The following SPAG16 variants were observed in gnomAD, a reference collection of about 807,000 sequenced individuals.
SPAG16 encodes sperm-associated antigen 16 protein.
In SPAG16, 86 loss-of-function variants were observed where a neutral mutation model predicts 80.4. The ratio of observed to expected loss-of-function variants is 1.07; its 90% CI spans 0.90 to 1.28. The LOEUF is 1.28. Among genes scored for constraint, SPAG16 ranks in the 50% most tolerant of loss-of-function variants. The pLI, the probability that SPAG16 is intolerant of heterozygous loss-of-function variation, is 0.00. For missense variants in SPAG16, 870 were observed against 765.3 expected (o/e 1.14, Z -1.61); for synonymous variants, 294 against 265.9 (o/e 1.11, Z -1.03).
At chr2:213,903,230 T>C (rs1335225281) in intron 11 of SPAG16, among the ~76,000 whole-genome samples, 1 of 152,190 alleles carries the variant, frequency 6.6e-6, no homozygotes, top group Non-Finnish European at 1.5e-5. Flanking sequence ...GGACTCTGCA[T>C]GGGGGCTCAG....
chr2:214,101,243 G>A (rs2053001839), intron 13 of SPAG16, among the ~76,000 whole-genome samples: 1 of 151,990 alleles, frequency 6.6e-6, no homozygotes, highest in Non-Finnish European at 1.5e-5. Flanking sequence ...AGGGTTCACG[G>A]TCAGTCAGGC....
Position 213,470,502 on chromosome 2 carries a change from A to G in SPAG16, c.943-19461A>G, listed in dbSNP as rs182607146. 5.9e-5 allele frequency among the ~76,000 whole-genome samples: 9 copies of G among 152,332 alleles called. No individual in the cohort carries two copies. The East Asian group carries it at 1.7e-3, about 29-fold the overall frequency. On this transcript the variant is annotated intron_variant, in intron 9 of 15. Coordinates refer to ENST00000331683, the MANE Select transcript of SPAG16 (RefSeq NM_024532.5). ...GCCCCTTCCTTGATGGAAGAGGTTCAGTATAATCAACCTGCTACCAGGTAG... is the reference window on the plus strand; with the variant it reads ...GCCCCTTCCTTGATGGAAGAGGTTCGGTATAATCAACCTGCTACCAGGTAG...
intron 10 of SPAG16, among the ~76,000 whole-genome samples, chr2:213,590,410 A>C (rs2060641820): frequency 6.6e-6 from 1 of 151,932 alleles, no homozygotes; most frequent in African/African-American, 2.4e-5. Context: ...AAGGACTGAT[A>C]TCCAGAGTCT....
At chr2:213,831,883 G>T (rs891570682) in intron 10 of SPAG16, among the ~76,000 whole-genome samples, 6 of 152,010 alleles carry the variant, frequency 3.9e-5, no homozygotes, top group Non-Finnish European at 7.4e-5. Context: ...TTTATAATTT[G>T]CTCACTATAA....
At chr2:214,023,146 T>C (rs1232187591) in intron 13 of SPAG16, among the ~76,000 whole-genome samples, 2 of 151,976 alleles carry the variant, frequency 1.3e-5, no homozygotes, top group African/African-American at 4.8e-5. Flanking sequence ...TCTCTGTAGC[T>C]TGCAGTAGGT....
At chr2:213,592,164 C>T (rs192325581) in intron 10 of SPAG16, among the ~76,000 whole-genome samples, 6 of 152,278 alleles carry the variant, frequency 3.9e-5, no homozygotes, top group Non-Finnish European at 7.4e-5. Context: ...AAGAAGACCT[C>T]TAATACCAGC....
At position 214,250,952 on chromosome 2, in the gene SPAG16, A is replaced by T. The variant is rs1690248285; in HGVS notation, c.1720+101686A>T. ...AAATATGCTACATCATATTAAAAAA[A>T]TAGAAATTTAGCTTCAAACTACCTT... On this transcript the variant is annotated intron_variant, in intron 15 of 15. Transcript: ENST00000331683. Among the ~76,000 whole-genome samples, 4 of 151,582 alleles carry T rather than the reference A, an allele frequency of 2.6e-5. No individual in the cohort carries two copies. In the South Asian group the frequency reaches 8.3e-4, roughly 31 times the overall value.
intron 11 of SPAG16, among the ~76,000 whole-genome samples, chr2:213,904,566 G>A (rs1252974689): frequency 8.4e-6 from 1 of 119,524 alleles, no homozygotes; most frequent in African/African-American, 3.4e-5. Flanking sequence ...GGGACACAGA[G>A]CCAAACCATA....
chr2:213,875,585 TA>T (rs2076112538), intron 11 of SPAG16, among the ~76,000 whole-genome samples: 1 of 152,162 alleles, frequency 6.6e-6, no homozygotes, highest in Admixed American at 6.5e-5. Flanking sequence ...GATTTAAAAA[TA>T]AAACTTTAAT....
In SPAG16 at chr2:213,374,045, G is replaced by A. The variant is rs2066770590; in HGVS notation, c.833-965G>A. ...TAGCTTAGCACCTTCGGGGAGGACA[G>A]GCAGTTTGGACACCCAGGTCTCTCA... On this transcript the variant is annotated intron_variant, in intron 8 of 15. Transcript: ENST00000331683. Among the ~76,000 whole-genome samples, 5 of 152,248 alleles carry A rather than the reference G, an allele frequency of 3.3e-5. No individual in the cohort carries two copies. The South Asian group carries it at 1.0e-3, about 32-fold the overall frequency.
chr2:213,810,661 A>G (rs1431983311), intron 10 of SPAG16, among the ~76,000 whole-genome samples: 3 of 152,180 alleles, frequency 2.0e-5, no homozygotes, highest in African/African-American at 7.2e-5. Context: ...AGCAGGAGGA[A>G]CAAGCAGCAA....
chr2:213,823,713 C>T (rs1395488510), intron 10 of SPAG16, among the ~76,000 whole-genome samples: 2 of 151,942 alleles, frequency 1.3e-5, no homozygotes, highest in Admixed American at 6.6e-5. Flanking sequence ...TGTCTTCTTT[C>T]GAGAAATGTC....
rs749957411 is a variant in SPAG16 at position 213,976,135 on chromosome 2, T to TATATATATATATACACACACACAC, written c.1401-37815_1401-37814insTATATATATATACACACACACACA. On this transcript the variant is annotated intron_variant, in intron 12 of 15. Transcript: ENST00000331683. ...ATATATATATATATATATATATATA[T>TATATATATATATACACACACACAC]ACACACACACACACACACACGTATG... 2.1e-4 allele frequency among the ~76,000 whole-genome samples: 17 copies of TATATATATATATACACACACACAC among 81,398 alleles called. No homozygotes were observed. In the East Asian group the frequency reaches 2.6e-3, roughly 13 times the overall value. 53.4% of individuals were successfully genotyped at this position (81,398 alleles called of 152,430 possible).
chr2:213,431,063 A>G (rs2070264798), intron 9 of SPAG16, among the ~76,000 whole-genome samples: 1 of 152,216 alleles, frequency 6.6e-6, no homozygotes, highest in South Asian at 2.1e-4. Context: ...GAAATGCTCA[A>G]ATGAGTTCTA....
chr2:213,537,111 A>G lies in SPAG16; in HGVS notation c.1070+47021A>G, dbSNP rs996753883. On this transcript the variant is annotated intron_variant, in intron 10 of 15. Coordinates refer to ENST00000331683, the MANE Select transcript of SPAG16 (RefSeq NM_024532.5). ...CTCACTCATAGGTGGGAACTGAACA[A>G]TGAGAACACATGGACACAGGAAGGG... is the stretch of plus-strand genomic sequence containing the variant. Among the ~76,000 whole-genome samples, 5 of 141,800 alleles carry G rather than the reference A, an allele frequency of 3.5e-5. No individual in the cohort carries two copies. The Admixed American group carries it at 3.9e-4, about 11-fold the overall frequency. 93.0% of individuals were successfully genotyped at this position (141,800 alleles called of 152,430 possible). A position where few individuals can be genotyped will look rare whatever the true frequency, so the allele number is the denominator to read the frequency against.
At chr2:213,612,941 G>A (rs778014684) in intron 10 of SPAG16, among the ~76,000 whole-genome samples, 7 of 152,074 alleles carry the variant, frequency 4.6e-5, no homozygotes, top group Non-Finnish European at 1.0e-4. Context: ...CCAAAGTGCT[G>A]GGATTACAGG....
intron 12 of SPAG16, among the ~76,000 whole-genome samples, chr2:213,999,095 A>T (rs998094555): frequency 9.2e-5 from 14 of 152,208 alleles, no homozygotes; most frequent in African/African-American, 3.4e-4. Flanking sequence ...AGAAATTTGC[A>T]TAAGTAACAA....
intron 15 of SPAG16, among the ~76,000 whole-genome samples, chr2:214,256,457 T>C (rs1002394784): frequency 1.3e-5 from 2 of 151,968 alleles, no homozygotes; most frequent in Non-Finnish European, 2.9e-5. Context: ...TAGAAACCTC[T>C]GTCTACTTCT....
chr2:213,749,004 G>A (rs2067961565), intron 10 of SPAG16, among the ~76,000 whole-genome samples: 1 of 151,982 alleles, frequency 6.6e-6, no homozygotes, highest in Admixed American at 6.6e-5. Context: ...AAAGTTAGCT[G>A]GGCATGGTGG....
Sources: allele counts gnomAD v4.1 joint callset (sites outside exome capture counted in the v4.1 genomes callset), GRCh38; gene constraint gnomAD v4.1.1; transcripts MANE v1.5; gene names NCBI Gene and HGNC (gene_info 2026-07-23, HGNC 2026-07-21).